CAMSAP3: variants seen among roughly 807,000 people sequenced by gnomAD.
The protein encoded by CAMSAP3 is calmodulin-regulated spectrin-associated protein 3.
In CAMSAP3, 34 loss-of-function variants were observed where a neutral mutation model predicts 112.5. That is an observed-to-expected ratio of 0.30 (90% confidence interval 0.23 to 0.40). The LOEUF is 0.40. Ranked by LOEUF, CAMSAP3 falls within the 10% of genes least tolerant of loss-of-function variation. The pLI, the probability that CAMSAP3 is intolerant of heterozygous loss-of-function variation, is 1.00. For missense variants in CAMSAP3, 1,602 were observed against 1,770.3 expected (o/e 0.90, Z 1.71); for synonymous variants, 868 against 799.8 (o/e 1.09, Z -1.44).
intron 1 of CAMSAP3, among the ~76,000 whole-genome samples, chr19:7,604,236 C>T (rs1319543048): frequency 6.6e-6 from 1 of 152,064 alleles, no homozygotes; most frequent in Non-Finnish European, 1.5e-5. Flanking sequence ...CCTTCCTGGC[C>T]TTCTCCTCTC....
In CAMSAP3 at chr19:7,606,477, C is replaced by T. The variant is rs1437476841; in HGVS notation, c.527C>T (p.Thr176Ile). The T allele has an allele frequency of 6.3e-7, 1 of 1,595,314 alleles. No individual in the cohort carries two copies. Among genetic ancestry groups the T allele is most frequent in the Non-Finnish European group, 8.5e-7 (1 of 1,175,856 alleles). Reference sequence around the variant, plus strand: ...ACTGACCCCCTCCCTGCCCTCCAGACCGTCCGGCGGCTGCAGGAGAAGACC... The same window carrying T: ...ACTGACCCCCTCCCTGCCCTCCAGATCGTCCGGCGGCTGCAGGAGAAGACC... ...EHKLLFWVDT[T>I]VRRLQEKTEQ... Residue 176 changes from threonine (T) to isoleucine (I), a missense_variant and splice_region_variant, in exon 4 of 17, where the codon ACC becomes ATC. Coordinates refer to ENST00000160298, the MANE Select transcript of CAMSAP3 (RefSeq NM_020902.2).
Position 7,615,689 on chromosome 19 carries a change from C to A in CAMSAP3, c.3082C>A (p.Leu1028Met). ...PRSGCCDDSA[L>M]ARSPARGLLG... ...CTCGGGTTGCTGTGACGACTCAGCC[C>A]TGGCACGAAGCCCAGCCCGCGGCCT... Residue 1028 changes from leucine to methionine, a missense_variant, in exon 13 of 17, where the codon CTG (leucine) becomes ATG (methionine). This residue lies in a region of CAMSAP3 where 1,100 missense variants were observed against 1,135.7 expected (regional missense o/e 0.97). Coordinates refer to ENST00000160298, the MANE Select transcript of CAMSAP3 (RefSeq NM_020902.2). The surrounding 1 kb of genome is among the most constrained non-coding windows in gnomAD (Gnocchi z 6.5). 1 of 1,417,136 alleles carries A rather than the reference C, an allele frequency of 7.1e-7. No individual in the cohort carries two copies. Among genetic ancestry groups the A allele is most frequent in the Non-Finnish European group, 9.2e-7 (1 of 1,091,606 alleles). 87.8% of individuals were successfully genotyped at this position (1,417,136 alleles called of 1,614,324 possible). A position where few individuals can be genotyped will look rare whatever the true frequency, so the allele number is the denominator to read the frequency against.
chr19:7,615,665 T>C lies in CAMSAP3; in HGVS notation c.3058T>C (p.Ser1020Pro). 1 of 1,427,598 alleles carries C rather than the reference T, an allele frequency of 7.0e-7. No homozygotes were observed. The highest frequency in any genetic ancestry group is 9.1e-7 in the Non-Finnish European group (1 of 1,096,048). 88.4% of individuals were successfully genotyped at this position (1,427,598 alleles called of 1,614,324 possible). A position where few individuals can be genotyped will look rare whatever the true frequency, so the allele number is the denominator to read the frequency against. The change falls in exon 13 of 17, where the codon TCG (serine) becomes CCG (proline). Residue 1020 changes from serine to proline, a missense_variant. Around this residue, in one of 6 missense-constraint regions of CAMSAP3, gnomAD observed 1,100 missense variants for 1,135.7 expected, o/e 0.97. Transcript: ENST00000160298. This position sits in a 1 kb window ranked among gnomAD's most constrained non-coding sequence, Gnocchi z 6.5. ...RGGRRATRPR[S>P]GCCDDSALAR... ...CGGGCGGAGGGCCACCCGGCCTCGC[T>C]CGGGTTGCTGTGACGACTCAGCCCT...
At position 7,606,385 on chromosome 19, in the gene CAMSAP3, G is replaced by A; in HGVS notation, c.517G>A (p.Val173Met). The stretch of plus-strand genomic sequence containing the variant: ...CTTGGAGCACAAGCTGCTTTTCTGG[G>A]TGGACACGGTAGGTGGGGTTGGGCC... ...TSLEHKLLFW[V>M]DTTVRRLQEK... The change falls in exon 3 of 17, where the codon GTG becomes ATG. Residue 173 changes from valine to methionine, a missense_variant. Physicochemically the swap from Val to Met is conservative, Grantham distance 21 (BLOSUM62 1). Around this residue, in one of 6 missense-constraint regions of CAMSAP3, gnomAD observed 112 missense variants for 94.2 expected, o/e 1.19. Coordinates refer to ENST00000160298, the MANE Select transcript of CAMSAP3 (RefSeq NM_020902.2). 1 of 1,613,730 alleles carries A rather than the reference G, an allele frequency of 6.2e-7. No individual in the cohort carries two copies. Among genetic ancestry groups the A allele is most frequent in the Non-Finnish European group, 8.5e-7 (1 of 1,180,016 alleles).
At chr19:7,606,803 G>T in intron 4 of CAMSAP3, 1 of 1,613,812 alleles carries the variant, frequency 6.2e-7, no homozygotes, top group Non-Finnish European at 8.5e-7. Flanking sequence ...ACTGGAAGCT[G>T]GTTCCTGTAA....
chr19:7,601,476 G>A (rs567566234), intron 1 of CAMSAP3, among the ~76,000 whole-genome samples: 31 of 151,972 alleles, frequency 2.0e-4, no homozygotes, highest in Non-Finnish European at 3.7e-4. Context: ...GCGCCACCAC[G>A]CCCAGCTAAT....
rs1173068955 is a variant in CAMSAP3, at chr19:7,614,259, C to CAAAAAAAAAAAAAAAAA, written c.2671-916_2671-900dup. On this transcript the variant is annotated intron_variant, in intron 11 of 16. Transcript: ENST00000160298. ...TGGGCAACAGAGCGAGACTCCATCT[C>CAAAAAAAAAAAAAAAAA]AAAAAAAAAAAAAAAAAAAAAAAAG... Among the ~76,000 whole-genome samples, 30 of 18,766 alleles carry CAAAAAAAAAAAAAAAAA rather than the reference C, an allele frequency of 1.6e-3. 2 individuals are homozygous for CAAAAAAAAAAAAAAAAA. The highest frequency in any genetic ancestry group is 2.2e-3 in the Non-Finnish European group (25 of 11,342). The allele number at this position is 18,766 out of a possible 152,430, so 12.3% of individuals were successfully genotyped here.
chr19:7,595,872 TCAGCAGCGGCGGCGGCGGCGGCGGCGG>T lies in CAMSAP3; in HGVS notation c.-126_-100del. ...GCCAGCGCAAGCGGCCGCACCTGGC[TCAGCAGCGGCGGCGGCGGCGGCGGCGG>T]CAGCGGCGGTAGCAGCAGCGGGCCC... is the stretch of plus-strand genomic sequence containing the variant. On this transcript the variant is annotated 5_prime_UTR_variant, in exon 1 of 17. Transcript: ENST00000160298. The T allele has an allele frequency of 3.1e-6, 1 of 324,980 alleles. No homozygotes were observed. Among genetic ancestry groups the T allele is most frequent in the Non-Finnish European group, 4.3e-6 (1 of 235,104 alleles). The allele number at this position is 324,980 out of a possible 1,614,324, so 20.1% of individuals were successfully genotyped here.
In CAMSAP3 at chr19:7,610,802, C is replaced by CT; in HGVS notation, c.994+10dup. The CT allele has an allele frequency of 5.0e-6, 8 of 1,604,410 alleles. No homozygotes were observed. Among genetic ancestry groups the CT allele is most frequent in the Non-Finnish European group, 6.8e-6 (8 of 1,172,892 alleles). On this transcript the variant is annotated intron_variant, in intron 7 of 16. Transcript: ENST00000160298. This position sits in a 1 kb window ranked among gnomAD's most constrained non-coding sequence, Gnocchi z 4.9. ...CTTGCCCGATGGTCACGGTGAGGCC[C>CT]TGGGGGCCTGGGGGCCGGGTCGGGG... is the stretch of plus-strand genomic sequence containing the variant.
At position 7,613,046 on chromosome 19, in the gene CAMSAP3, G is replaced by A. The variant is rs1383387208; in HGVS notation, c.2553G>A (p.Leu851=). 1.9e-6 allele frequency: 3 copies of A among 1,551,104 alleles called. No individual in the cohort carries two copies. Among genetic ancestry groups the A allele is most frequent in the Admixed American group, 1.9e-5 (1 of 51,368 alleles). Residue 851 remains leucine, a synonymous_variant, in exon 11 of 17, where the codon CTG becomes CTA. Coordinates refer to ENST00000160298, the MANE Select transcript of CAMSAP3 (RefSeq NM_020902.2). The part of the protein sequence containing the change: ...PGLIEIPLGS[L]ADPAAEDEGD... ...TCATCGAGATCCCGCTGGGCAGCCT[G>A]GCAGATCCCGCCGCCGAGGACGAGG...
intron 2 of CAMSAP3, 65 bp from the exon 3 acceptor site, chr19:7,606,206 C>G (rs1000960073): frequency 9.1e-6 from 14 of 1,538,320 alleles, no homozygotes; most frequent in Middle Eastern, 1.7e-4. Context: ...TTTCCCAGGC[C>G]CTTGGGGGCC....
In CAMSAP3 at chr19:7,607,857, A is replaced by G; in HGVS notation, c.622-269A>G. ...CTTCTGTTTGAAGGAGTCGGGGAGCAAACCCCCCATGGTAATGTATCCCCC... is the reference window on the plus strand; with the variant it reads ...CTTCTGTTTGAAGGAGTCGGGGAGCGAACCCCCCATGGTAATGTATCCCCC... On this transcript the variant is annotated intron_variant, in intron 4 of 16. Coordinates refer to ENST00000160298, the MANE Select transcript of CAMSAP3 (RefSeq NM_020902.2). This position sits in a 1 kb window ranked among gnomAD's most constrained non-coding sequence, Gnocchi z 4.9. 7.5e-7 allele frequency: 1 copy of G among 1,340,118 alleles called. No homozygotes were observed. Among genetic ancestry groups the G allele is most frequent in the Non-Finnish European group, 1.0e-6 (1 of 981,982 alleles). The allele number at this position is 1,340,118 out of a possible 1,614,324, so 83.0% of individuals were successfully genotyped here.
Position 7,606,486 on chromosome 19 carries a change from G to T in CAMSAP3, c.536G>T (p.Arg179Leu). The change falls in exon 4 of 17, where the codon CGG (arginine) becomes CTG (leucine). Residue 179 changes from arginine to leucine, a missense_variant. Physicochemically the swap from Arg to Leu is moderately radical, Grantham distance 102 (BLOSUM62 -2). Around this residue, in one of 6 missense-constraint regions of CAMSAP3, gnomAD observed 112 missense variants for 94.2 expected, o/e 1.19. Coordinates refer to ENST00000160298, the MANE Select transcript of CAMSAP3 (RefSeq NM_020902.2). The stretch of plus-strand genomic sequence containing the variant: ...CTCCCTGCCCTCCAGACCGTCCGGC[G>T]GCTGCAGGAGAAGACCGAGCAGGAA... ...LLFWVDTTVR[R>L]LQEKTEQEAA... 6.3e-7 allele frequency: 1 copy of T among 1,587,116 alleles called. No individual in the cohort carries two copies. Among genetic ancestry groups the T allele is most frequent in the Non-Finnish European group, 8.5e-7 (1 of 1,172,830 alleles).
chr19:7,602,250 T>C (rs1165386283), intron 1 of CAMSAP3, among the ~76,000 whole-genome samples: 1 of 152,146 alleles, frequency 6.6e-6, no homozygotes, highest in South Asian at 2.1e-4. Flanking sequence ...CATCTCACAG[T>C]GTACAGGACA....
Position 7,595,877 on chromosome 19 carries a change from A to AGCGGCGGCGGCGGCGGCG in CAMSAP3, c.-120_-103dup, listed in dbSNP as rs539455375. 2 of 279,958 alleles carry AGCGGCGGCGGCGGCGGCG rather than the reference A, an allele frequency of 7.1e-6. No individual in the cohort carries two copies. Among genetic ancestry groups the AGCGGCGGCGGCGGCGGCG allele is most frequent in the South Asian group, 1.3e-4 (1 of 7,872 alleles). 17.3% of individuals were successfully genotyped at this position (279,958 alleles called of 1,614,324 possible). A position where few individuals can be genotyped will look rare whatever the true frequency, so the allele number is the denominator to read the frequency against. ...CGCAAGCGGCCGCACCTGGCTCAGC[A>AGCGGCGGCGGCGGCGGCG]GCGGCGGCGGCGGCGGCGGCGGCAG... On this transcript the variant is annotated 5_prime_UTR_variant, in exon 1 of 17. Transcript: ENST00000160298.
intron 1 of CAMSAP3, among the ~76,000 whole-genome samples, chr19:7,603,790 A>C (rs1305961052): frequency 6.6e-5 from 10 of 152,150 alleles, no homozygotes; most frequent in Non-Finnish European, 1.0e-4. Context: ...TTCAGGTTGC[A>C]GTGAGCCATG....
In CAMSAP3 at chr19:7,608,276, G is replaced by C; in HGVS notation, c.760+12G>C. On this transcript the variant is annotated intron_variant, in intron 5 of 16. Coordinates refer to ENST00000160298, the MANE Select transcript of CAMSAP3 (RefSeq NM_020902.2). ...GCTTCGACTTGAGGGTGAGTAAATG[G>C]ATGTGGAACAGATCTTGTGCCGGGG... 2.5e-6 allele frequency: 4 copies of C among 1,606,844 alleles called. No individual in the cohort carries two copies. The highest frequency in any genetic ancestry group is 3.3e-4 in the Middle Eastern group (2 of 6,042).
At chr19:7,600,911 C>G (rs1861533692) in intron 1 of CAMSAP3, among the ~76,000 whole-genome samples, 3 of 151,494 alleles carry the variant, frequency 2.0e-5, no homozygotes, top group African/African-American at 7.3e-5. Context: ...TCCACCCACC[C>G]ATTCATCCAT....
chr19:7,616,689 G>C (rs998276795), intron 14 of CAMSAP3, 67 bp downstream of exon 14: 2 of 1,176,034 alleles, frequency 1.7e-6, no homozygotes, highest in Non-Finnish European at 2.5e-6. Flanking sequence ...GAGGTGTGTG[G>C]GCATCTGGGT....
Sources: gnomAD v4.1 joint callset for allele counts (sites outside exome capture counted in the v4.1 genomes callset) on GRCh38, gnomAD v4.1.1 for gene constraint, gnomAD v4.1.1 regional missense constraint, Gnocchi (gnomAD v3.1) non-coding constraint, MANE v1.5 for transcripts, NCBI Gene and HGNC (gene_info 2026-07-23, HGNC 2026-07-21) for gene names.